Variants in TPP2 observed in about 807,000 individuals in gnomAD.
TPP2 encodes tripeptidyl peptidase 2.
In TPP2, 34 loss-of-function variants were observed where a neutral mutation model predicts 155.9. That is an observed-to-expected ratio of 0.22 (90% CI 0.17 to 0.29). TPP2 has a LOEUF of 0.29. Among genes scored for constraint, TPP2 ranks in the 10% least tolerant of loss-of-function variants. TPP2 has a pLI of 1.00. For missense variants in TPP2, 1,028 were observed against 1,522.3 expected, an observed-to-expected ratio of 0.68 and a Z score of 5.40; for synonymous variants, 510 against 529.4, an observed-to-expected ratio of 0.96 and a Z score of 0.50.
At chr13:102,644,848 G>A in intron 18 of TPP2, 61 bp from the exon 19 acceptor site, 1 of 1,567,884 alleles carries the variant, frequency 6.4e-7, no homozygotes, top group Non-Finnish European at 8.8e-7. Flanking sequence ...TTTATTTTAG[G>A]TACAAAATAT....
At chr13:102,602,757 C>T (rs1264463331) in intron 1 of TPP2, among the ~76,000 whole-genome samples, 1 of 152,092 alleles carries the variant, frequency 6.6e-6, no homozygotes, top group Non-Finnish European at 1.5e-5. Context: ...TCAGAAAGAC[C>T]CAGAGCAGTG....
intron 21 of TPP2, among the ~76,000 whole-genome samples, chr13:102,648,429 C>CGT (rs56934655): frequency 0.058 from 8,570 of 147,858 alleles, 228 homozygotes; most frequent in Middle Eastern, 0.087. Context: ...ATAAGTTACA[C>CGT]GTGTGTGTGT....
At position 102,604,801 on chromosome 13, in the gene TPP2, T is replaced by G. The variant is rs373226219; in HGVS notation, c.174T>G (p.Thr58=). Residue 58 remains threonine (T), a synonymous_variant, in exon 2 of 30, where the codon ACT becomes ACG. Coordinates refer to ENST00000376052, the MANE Select transcript of TPP2 (RefSeq NM_001330588.2). ...DPGAPGMQVT[T]DGKPKIVDII... is the part of the protein sequence containing the mutation. ...ATTTTCTTAATTTTCAGGTTACAAC[T>G]GATGGAAAACCAAAAATCGTTGATA... 8.7e-6 allele frequency: 14 copies of G among 1,610,320 alleles called. No homozygotes were observed. In the Middle Eastern group the frequency reaches 1.6e-3, roughly 189 times the overall value.
Position 102,674,367 on chromosome 13 carries a change from G to A in TPP2, c.3456G>A (p.Gln1152=), listed in dbSNP as rs1268792323. Residue 1152 remains glutamine, a synonymous_variant, in exon 28 of 30, where the codon CAG becomes CAA. Transcript: ENST00000376052. ...CALADHLLHT[Q]AQDGAISTDA... ...TGGCAGACCATCTTCTTCACACCCA[G>A]GCTCAAGACGGAGCCATTTCCACTG... 6.2e-7 allele frequency: 1 copy of A among 1,613,912 alleles called. No homozygotes were observed. Among genetic ancestry groups the A allele is most frequent in the Admixed American group, 1.7e-5 (1 of 60,002 alleles).
At chr13:102,624,199 A>G (rs550377639) in intron 6 of TPP2, among the ~76,000 whole-genome samples, 1 of 152,292 alleles carries the variant, frequency 6.6e-6, no homozygotes, top group African/African-American at 2.4e-5. Context: ...ATATCGTGAA[A>G]ATGTTAAATA....
At chr13:102,625,304 G>A (rs6491702) in intron 6 of TPP2, among the ~76,000 whole-genome samples, 74,089 of 150,072 alleles carry the variant, frequency 0.49, 18,652 homozygotes, top group African/African-American at 0.6. Flanking sequence ...AGCTGGGACT[G>A]CAGGCGCCCA....
Position 102,596,988 on chromosome 13 carries a change from T to G in TPP2, c.-51T>G. 1 of 1,594,746 alleles carries G rather than the reference T, an allele frequency of 6.3e-7. No homozygotes were observed. The highest frequency in any genetic ancestry group is 8.5e-7 in the Non-Finnish European group (1 of 1,171,190). On this transcript the variant is annotated 5_prime_UTR_variant, in exon 1 of 30. Coordinates refer to ENST00000376052, the MANE Select transcript of TPP2 (RefSeq NM_001330588.2). ...CGCACGGGTGTCCTCGCGCTGCTAG[T>G]CCGCGCGCAGCCTGGCAGTTTGCCG...
At chr13:102,654,754 T>C (rs1224444955) in intron 24 of TPP2, among the ~76,000 whole-genome samples, 1 of 152,188 alleles carries the variant, frequency 6.6e-6, no homozygotes, top group African/African-American at 2.4e-5. Flanking sequence ...AAAGTAAATA[T>C]TGGAGGCCAC....
chr13:102,652,182 C>T (rs969675132), intron 24 of TPP2, among the ~76,000 whole-genome samples: 1 of 151,946 alleles, frequency 6.6e-6, no homozygotes, highest in African/African-American at 2.4e-5. Flanking sequence ...TTGAAACCAG[C>T]CTGGGCAGCA....
At chr13:102,605,638 A>C (rs1241887692) in intron 2 of TPP2, among the ~76,000 whole-genome samples, 1 of 150,446 alleles carries the variant, frequency 6.6e-6, no homozygotes, top group East Asian at 1.9e-4. Context: ...ATTCCCAGTT[A>C]ACTTGACCAT....
chr13:102,629,357 C>A, intron 8 of TPP2, 125 bp from the exon 9 acceptor site: 2 of 1,104,112 alleles, frequency 1.8e-6, no homozygotes, highest in East Asian at 2.9e-5. Flanking sequence ...ATGGCTGTAT[C>A]ATGTTCCACC....
chr13:102,662,967 CAT>C (rs1158133164), intron 25 of TPP2, among the ~76,000 whole-genome samples: 1 of 151,942 alleles, frequency 6.6e-6, no homozygotes, highest in Non-Finnish European at 1.5e-5. Context: ...AGATCTGAGA[CAT>C]TTTTAAATCT....
chr13:102,673,738 C>A (rs1276604747), intron 27 of TPP2, among the ~76,000 whole-genome samples: 1 of 152,194 alleles, frequency 6.6e-6, no homozygotes, highest in African/African-American at 2.4e-5. Context: ...CAGTTTCTTC[C>A]TTTGCAACAT....
At chr13:102,645,982 TA>T in intron 19 of TPP2, among the ~76,000 whole-genome samples, 1 of 112,646 alleles carries the variant, frequency 8.9e-6, no homozygotes, top group East Asian at 2.5e-4. Context: ...GCAACACTTT[TA>T]GTTGTCACCC....
intron 27 of TPP2, among the ~76,000 whole-genome samples, chr13:102,671,463 C>T (rs553591783): frequency 5.4e-4 from 82 of 152,302 alleles, no homozygotes; most frequent in African/African-American, 1.9e-3. Context: ...GAGAGAGCCT[C>T]ATCAGGGGTA....
chr13:102,620,720 G>T (rs564730480), intron 5 of TPP2, among the ~76,000 whole-genome samples: 1 of 152,170 alleles, frequency 6.6e-6, no homozygotes, highest in African/African-American at 2.4e-5. Context: ...AGATGACTCT[G>T]TTCTGAGCAT....
chr13:102,600,267 G>A (rs1879324950), intron 1 of TPP2, among the ~76,000 whole-genome samples: 1 of 152,066 alleles, frequency 6.6e-6, no homozygotes, highest in Non-Finnish European at 1.5e-5. Context: ...TTTACATGTG[G>A]CGTTTCATCT....
chr13:102,612,931 C>T (rs1018220947), intron 2 of TPP2, among the ~76,000 whole-genome samples: 1 of 152,150 alleles, frequency 6.6e-6, no homozygotes, highest in Non-Finnish European at 1.5e-5. Flanking sequence ...TTGCTGCTAG[C>T]CACCTGTGTA....
rs149700170 is a variant in TPP2, at chr13:102,678,316, A to G, written c.3789A>G (p.Ter1263=). The change falls in exon 30 of 30, where the codon TAA becomes TAG. Residue 1263 remains the stop codon, a stop_retained_variant. Coordinates refer to ENST00000376052, the MANE Select transcript of TPP2 (RefSeq NM_001330588.2). ...IMYPPDYCVF[*] The stretch of plus-strand genomic sequence containing the variant: ...ATCCTCCCGATTATTGCGTATTCTA[A>G]AATAGGAAACAAGACTTTAAATTTT... 4 of 1,610,896 alleles carry G rather than the reference A, an allele frequency of 2.5e-6. No individual in the cohort carries two copies. In the African/African-American group the frequency reaches 5.4e-5, roughly 22 times the overall value.
Sources: allele counts gnomAD v4.1 joint callset (sites outside exome capture counted in the v4.1 genomes callset), GRCh38; gene constraint gnomAD v4.1.1; transcripts MANE v1.5; gene names NCBI Gene and HGNC (gene_info 2026-07-23, HGNC 2026-07-21).